Variants in ALDH16A1 observed in about 807,000 individuals in gnomAD.
ALDH16A1 encodes the protein aldehyde dehydrogenase family 16 member A1.
A neutral mutation model predicts 96.1 loss-of-function variants in ALDH16A1; 88 were observed. That is an observed-to-expected ratio of 0.92 (90% CI 0.77 to 1.09). The LOEUF (loss-of-function observed/expected upper bound fraction) is 1.09. ALDH16A1 is among the 50% of genes least tolerant of loss of function. The pLI, the probability that ALDH16A1 is intolerant of heterozygous loss-of-function variation, is 0.00. For missense variants in ALDH16A1, 1,250 were observed against 1,112.6 expected (o/e 1.12, Z -1.76); for synonymous variants, 522 against 496.4 (o/e 1.05, Z -0.69).
chr19:49,456,355 T>C (rs2079104827), intron 1 of ALDH16A1, among the ~76,000 whole-genome samples: 1 of 152,196 alleles, frequency 6.6e-6, no homozygotes, highest in African/African-American at 2.4e-5. Flanking sequence ...CCATGGTCTG[T>C]TACCACACTT....
Position 49,470,568 on chromosome 19 carries a change from A to G in ALDH16A1, c.*101A>G, listed in dbSNP as rs987030164. On this transcript the variant is annotated 3_prime_UTR_variant, in exon 17 of 17. Transcript: ENST00000293350. ...CCCCTTCTGGTTCCTGTGTCTCCCA[A>G]TAAACTCTCTGACCAACCCTAGCTG... 49 of 1,338,276 alleles carry G rather than the reference A, an allele frequency of 3.7e-5. No individual in the cohort carries two copies. In the African/African-American group the frequency reaches 5.3e-4, roughly 15 times the overall value. 82.9% of individuals were successfully genotyped at this position (1,338,276 alleles called of 1,614,324 possible). A position where few individuals can be genotyped will look rare whatever the true frequency, so the allele number is the denominator to read the frequency against.
intron 4 of ALDH16A1, 74 bp from the exon 5 acceptor site, chr19:49,460,748 T>G: frequency 4.6e-6 from 5 of 1,078,286 alleles, no homozygotes; most frequent in Non-Finnish European, 5.5e-6. Flanking sequence ...AGCCATGGGG[T>G]CTTGCCATGT....
rs567098213 is a variant in ALDH16A1 at position 49,460,301 on chromosome 19, G to A, written c.499+453G>A. Among the ~76,000 whole-genome samples, 209 of 151,994 alleles carry A rather than the reference G, an allele frequency of 1.4e-3. 2 individuals are homozygous for A. The highest frequency in any genetic ancestry group is 0.01 in the Middle Eastern group (3 of 294). ...GTCACCCTGGCTGGAGTACAGTGGT[G>A]CAATTATAGCTCACTGATACCTCGA... On this transcript the variant is annotated intron_variant, in intron 4 of 16. Coordinates refer to ENST00000293350, the MANE Select transcript of ALDH16A1 (RefSeq NM_153329.4).
Position 49,468,661 on chromosome 19 carries a change from C to T in ALDH16A1, c.2124+95C>T. ...CGGCAGGAGCTTGTCTCTTACCCCA[C>T]CCTCCGTGGTACCCATGCTGCCCCC... On this transcript the variant is annotated intron_variant, in intron 15 of 16. Transcript: ENST00000293350. This position sits in a 1 kb window ranked among gnomAD's most constrained non-coding sequence, Gnocchi z 4.4. 2 of 1,483,474 alleles carry T rather than the reference C, an allele frequency of 1.3e-6. No homozygotes were observed. The highest frequency in any genetic ancestry group is 2.3e-5 in the East Asian group (1 of 43,906). The allele number at this position is 1,483,474 out of a possible 1,614,324, so 91.9% of individuals were successfully genotyped here.
chr19:49,455,921 T>C (rs948528630), intron 1 of ALDH16A1, among the ~76,000 whole-genome samples: 1 of 152,168 alleles, frequency 6.6e-6, no homozygotes, highest in Non-Finnish European at 1.5e-5. Context: ...GGACAATTGA[T>C]TCCATGTAAA....
rs10530269 is a variant in ALDH16A1, at chr19:49,455,416, CA to C, written c.90+2017del. ...GGGCAACAAGAGCAAAACTCCATCT[CA>C]AAAAAAAAAAAAAAAAAAAAAGGAA... On this transcript the variant is annotated intron_variant, in intron 1 of 16. Transcript: ENST00000293350. 5.7e-3 allele frequency among the ~76,000 whole-genome samples: 781 copies of C among 136,256 alleles called. 8 individuals carry two copies. Among genetic ancestry groups the C allele is most frequent in the African/African-American group, 0.016 (572 of 35,948 alleles). The allele number at this position is 136,256 out of a possible 152,430, so 89.4% of individuals were successfully genotyped here.
chr19:49,454,702 A>C (rs970748439), intron 1 of ALDH16A1, among the ~76,000 whole-genome samples: 2 of 152,224 alleles, frequency 1.3e-5, no homozygotes, highest in Admixed American at 6.5e-5. Context: ...ATCCAAGTGG[A>C]AGGAACTGGA....
At position 49,462,675 on chromosome 19, in the gene ALDH16A1, G is replaced by A. The variant is rs540211470; in HGVS notation, c.1018G>A (p.Val340Met). ...GAGTGGCCGAGGGCTGGATGGGGCC[G>A]TGGACATGGGGGCCCGGGGGGCTGC... is the stretch of plus-strand genomic sequence containing the variant. ...LRSGRGLDGA[V>M]DMGARGAAAC... The change falls in exon 8 of 17, where the codon GTG becomes ATG. Residue 340 changes from valine (V) to methionine (M), a missense_variant. Physicochemically the swap from Val to Met is conservative, Grantham distance 21 (BLOSUM62 1). Transcript: ENST00000293350. 2.9e-5 allele frequency: 47 copies of A among 1,609,808 alleles called. No homozygotes were observed. Among genetic ancestry groups the A allele is most frequent in the Non-Finnish European group, 3.3e-5 (39 of 1,179,112 alleles).
chr19:49,465,408 A>C (rs2079189566), intron 12 of ALDH16A1, among the ~76,000 whole-genome samples: 1 of 137,142 alleles, frequency 7.3e-6, no homozygotes, highest in African/African-American at 2.8e-5. Flanking sequence ...CCCAGAGGCT[A>C]GTGGGAACAG....
rs1367734438 is a variant in ALDH16A1, at chr19:49,458,602, C to T, written c.193+14C>T. ...ATCCCATCACAGGTACGAGATGTCC[C>T]CCAGTCATTAGTGGAAGGGAGGTAT... On this transcript the variant is annotated intron_variant, in intron 2 of 16. Coordinates refer to ENST00000293350, the MANE Select transcript of ALDH16A1 (RefSeq NM_153329.4). The T allele has an allele frequency of 1.9e-6, 3 of 1,552,728 alleles. No individual in the cohort carries two copies. The highest frequency in any genetic ancestry group is 2.6e-6 in the Non-Finnish European group (3 of 1,146,560).
At chr19:49,464,829 C>G in intron 12 of ALDH16A1, 67 bp downstream of exon 12, 1 of 1,602,722 alleles carries the variant, frequency 6.2e-7, no homozygotes, top group Non-Finnish European at 8.5e-7. Flanking sequence ...CCTGTTTCCC[C>G]GTGGACTGGA....
Position 49,465,728 on chromosome 19 carries a change from C to T in ALDH16A1, c.1569-10C>T, listed in dbSNP as rs751290679. 1 of 1,609,652 alleles carries T rather than the reference C, an allele frequency of 6.2e-7. No homozygotes were observed. The highest frequency in any genetic ancestry group is 1.7e-5 in the Admixed American group (1 of 59,762). ...CCCAGGACTCCTCCTCATGTCCCAC[C>T]CTACTCCAGCCCAGCACCCCCCTAT... On this transcript the variant is annotated splice_polypyrimidine_tract_variant and intron_variant, in intron 12 of 16. Transcript: ENST00000293350.
intron 1 of ALDH16A1, among the ~76,000 whole-genome samples, chr19:49,455,140 G>T (rs1047570204): frequency 6.7e-6 from 1 of 149,946 alleles, no homozygotes; most frequent in Non-Finnish European, 1.5e-5. Flanking sequence ...AAAAATGGCT[G>T]GGCGCAGTGG....
intron 4 of ALDH16A1, 112 bp from the exon 5 acceptor site, chr19:49,460,710 G>C: frequency 1.2e-6 from 1 of 866,784 alleles, no homozygotes; most frequent in Non-Finnish European, 1.8e-6. Context: ...CACCACACCC[G>C]GCCATTTTTT....
At position 49,465,830 on chromosome 19, in the gene ALDH16A1, TC is replaced by T; in HGVS notation, c.1663del (p.His555MetfsTer72). 2 of 1,614,074 alleles carry T rather than the reference TC, an allele frequency of 1.2e-6. No individual in the cohort carries two copies. Among genetic ancestry groups the T allele is most frequent in the Non-Finnish European group, 1.7e-6 (2 of 1,179,996 alleles). On this transcript the variant is annotated frameshift_variant, in exon 13 of 17. Transcript: ENST00000293350. LOFTEE classifies it high-confidence loss of function. The stretch of plus-strand genomic sequence containing the variant: ...CCCATCCGGGATTCGTCTGGCAACC[TC>T]CATGGCTACGTGGCTGAGGGTGGAG... ...SRPIRDSSGN[L>X]HGYVAEGGAK...
At position 49,459,692 on chromosome 19, in the gene ALDH16A1, C is replaced by A. The variant is rs756070304; in HGVS notation, c.343C>A (p.His115Asn). The A allele has an allele frequency of 1.2e-6, 2 of 1,608,012 alleles. No homozygotes were observed. ...LTRLAEVIQK[H>N]QRLLWTLESL... is the part of the protein sequence containing the mutation. ...CAGGCTGGCCGAGGTGATCCAGAAG[C>A]ACCAGCGGCTGCTGTGGACCCTGGA... is the stretch of plus-strand genomic sequence containing the variant. Residue 115 changes from histidine (H) to asparagine (N), a missense_variant, in exon 4 of 17, where the codon CAC (histidine) becomes AAC (asparagine). Transcript: ENST00000293350. The surrounding 1 kb of genome is among the most constrained non-coding windows in gnomAD (Gnocchi z 4.1).
Position 49,459,191 on chromosome 19 carries a change from A to G in ALDH16A1, c.320+105A>G. 1 of 1,501,154 alleles carries G rather than the reference A, an allele frequency of 6.7e-7. No homozygotes were observed. Among genetic ancestry groups the G allele is most frequent in the Non-Finnish European group, 8.9e-7 (1 of 1,123,724 alleles). 93.0% of individuals were successfully genotyped at this position (1,501,154 alleles called of 1,614,324 possible). On this transcript the variant is annotated intron_variant, in intron 3 of 16. Transcript: ENST00000293350. This position sits in a 1 kb window ranked among gnomAD's most constrained non-coding sequence, Gnocchi z 4.1. ...CCAAGATCCCACTGAATTAATTTGC[A>G]GCTAAGGCTCAGATTCCCAGTATGT...
chr19:49,462,901 G>A, intron 8 of ALDH16A1, 146 bp downstream of exon 8: 1 of 583,528 alleles, frequency 1.7e-6, no homozygotes, highest in South Asian at 2.3e-5. Context: ...GGGTCTGAAG[G>A]AGGAGGGGCT....
At chr19:49,461,826 G>A (rs749261675) in intron 6 of ALDH16A1, 26 bp downstream of exon 6, 135 of 1,605,368 alleles carry the variant, frequency 8.4e-5, no homozygotes, top group South Asian at 1.1e-4. Context: ...GGGTCGTGGC[G>A]GAACGCGGCT....
Sources: gnomAD v4.1 joint callset for allele counts (sites outside exome capture counted in the v4.1 genomes callset) on GRCh38, gnomAD v4.1.1 for gene constraint, Gnocchi (gnomAD v3.1) non-coding constraint, MANE v1.5 for transcripts, NCBI Gene and HGNC (gene_info 2026-07-23, HGNC 2026-07-21) for gene names.